PIGK: variants seen among roughly 807,000 people sequenced by gnomAD.
PIGK encodes the protein phosphatidylinositol glycan anchor biosynthesis class K, also known as GPI-anchor transamidase.
A neutral mutation model predicts 50.6 loss-of-function variants in PIGK; 42 were observed. That is an observed-to-expected ratio of 0.83 (90% confidence interval 0.65 to 1.07). The LOEUF (loss-of-function observed/expected upper bound fraction) is 1.07, where lower values mean the gene tolerates loss of function less well. Among genes scored for constraint, PIGK ranks in the 50% least tolerant of loss-of-function variants. The pLI is 0.00. For missense variants in PIGK, 448 were observed against 488.7 expected, an observed-to-expected ratio of 0.92 and a Z score of 0.78; for synonymous variants, 151 against 156.0, an observed-to-expected ratio of 0.97 and a Z score of 0.24.
intron 3 of PIGK, among the ~76,000 whole-genome samples, chr1:77,203,455 C>A (rs984541101): frequency 6.6e-6 from 1 of 152,094 alleles, no homozygotes; most frequent in Admixed American, 6.5e-5. Flanking sequence ...AAAACCTCAC[C>A]TGCATGGAAC....
intron 9 of PIGK, among the ~76,000 whole-genome samples, chr1:77,131,101 A>G (rs1172210788): frequency 6.6e-6 from 1 of 151,954 alleles, no homozygotes; most frequent in African/African-American, 2.4e-5. Context: ...ATCTATAATT[A>G]ATTTTATTTT....
Position 77,097,121 on chromosome 1 carries a change from T to C in PIGK, c.1072-4631A>G, listed in dbSNP as rs140360483. On this transcript the variant is annotated intron_variant, in intron 10 of 10. Transcript: ENST00000370812. The stretch of plus-strand genomic sequence containing the variant: ...TGAGTTCATGTCCTTTGTAGGGACA[T>C]GGATGAAATTGGAAAGCTTCGGGTT... Among the ~76,000 whole-genome samples the C allele has an allele frequency of 2.4e-3, 362 of 152,058 alleles. 2 individuals carry two copies. Among genetic ancestry groups the C allele is most frequent in the African/African-American group, 8.1e-3 (337 of 41,462 alleles).
intron 4 of PIGK, among the ~76,000 whole-genome samples, chr1:77,167,748 C>T (rs1040963073): frequency 2.6e-5 from 4 of 152,032 alleles, no homozygotes; most frequent in Non-Finnish European, 4.4e-5. Flanking sequence ...CCAGCTCTAG[C>T]AAAATAAAAA....
At chr1:77,119,054 A>G (rs1326301210) in intron 10 of PIGK, among the ~76,000 whole-genome samples, 1 of 150,854 alleles carries the variant, frequency 6.6e-6, no homozygotes, top group Non-Finnish European at 1.5e-5. Flanking sequence ...CTTTGTCCAT[A>G]TAATATTTAT....
intron 10 of PIGK, among the ~76,000 whole-genome samples, chr1:77,099,438 G>A (rs953791553): frequency 3.9e-5 from 6 of 152,182 alleles, no homozygotes; most frequent in East Asian, 1.9e-4. Context: ...GCAAAAATCT[G>A]TATTGAAAGA....
chr1:77,146,804 A>G (rs11162278), intron 9 of PIGK, among the ~76,000 whole-genome samples: 26,793 of 151,782 alleles, frequency 0.18, 2,565 homozygotes, highest in East Asian at 0.36. Context: ...CTAAAAAAAA[A>G]AAAGTAAAAG....
intron 10 of PIGK, among the ~76,000 whole-genome samples, chr1:77,101,599 A>C (rs1653542378): frequency 1.3e-5 from 2 of 152,226 alleles, no homozygotes; most frequent in Non-Finnish European, 2.9e-5. Context: ...ATCATCTATT[A>C]AATGCCAATT....
intron 3 of PIGK, chr1:77,195,040 C>G (rs886120163): frequency 2.4e-6 from 2 of 839,098 alleles, no homozygotes; most frequent in African/African-American, 3.4e-5. Flanking sequence ...TAACCTGAAT[C>G]TGCTCAGAGA....
At chr1:77,113,232 A>G (rs955459815) in intron 10 of PIGK, among the ~76,000 whole-genome samples, 3 of 152,126 alleles carry the variant, frequency 2.0e-5, no homozygotes, top group African/African-American at 7.2e-5. Context: ...CTTTTCTGAA[A>G]GCCTCTTTCT....
At chr1:77,196,224 C>A (rs957530323) in intron 3 of PIGK, among the ~76,000 whole-genome samples, 2 of 152,022 alleles carry the variant, frequency 1.3e-5, no homozygotes, top group African/African-American at 4.8e-5. Context: ...TTATCCAGTC[C>A]AATGTTGATG....
intron 3 of PIGK, among the ~76,000 whole-genome samples, chr1:77,180,555 G>A (rs1655587515): frequency 6.6e-6 from 1 of 152,132 alleles, no homozygotes; most frequent in African/African-American, 2.4e-5. Flanking sequence ...CACGTGCCCA[G>A]GACACAGCCT....
intron 10 of PIGK, among the ~76,000 whole-genome samples, chr1:77,108,031 G>C (rs1308854814): frequency 6.6e-6 from 1 of 152,130 alleles, no homozygotes; most frequent in African/African-American, 2.4e-5. Flanking sequence ...GATGGCTCTT[G>C]ACTCTTTATC....
chr1:77,144,638 A>G (rs1357941515), intron 9 of PIGK, among the ~76,000 whole-genome samples: 1 of 151,932 alleles, frequency 6.6e-6, no homozygotes, highest in Non-Finnish European at 1.5e-5. Flanking sequence ...CTTAGAAGTC[A>G]TAAAGCAACT....
chr1:77,097,984 G>T (rs754524522), intron 10 of PIGK, among the ~76,000 whole-genome samples: 4 of 151,942 alleles, frequency 2.6e-5, no homozygotes, highest in African/African-American at 9.7e-5. Flanking sequence ...TATATATAAC[G>T]CTAAACAATA....
intron 4 of PIGK, among the ~76,000 whole-genome samples, chr1:77,168,574 T>C (rs976039807): frequency 6.7e-6 from 1 of 148,412 alleles, no homozygotes; most frequent in Non-Finnish European, 1.5e-5. Context: ...AGCTATATGA[T>C]ACATGAGACA....
chr1:77,148,083 T>C lies in PIGK; in HGVS notation c.986+6366A>G, dbSNP rs539998081. Reference sequence around the variant, plus strand: ...TTCTAACTGTCAATTTTAATAACAGTGTGTTGATAATTTAACCTAAGATTT... The same window carrying C: ...TTCTAACTGTCAATTTTAATAACAGCGTGTTGATAATTTAACCTAAGATTT... On this transcript the variant is annotated intron_variant, in intron 9 of 10. Transcript: ENST00000370812. 1.6e-3 allele frequency among the ~76,000 whole-genome samples: 248 copies of C among 152,342 alleles called. 2 individuals carry two copies. The Middle Eastern group carries it at 0.017, about 10-fold the overall frequency.
At chr1:77,113,802 T>C (rs1653906154) in intron 10 of PIGK, among the ~76,000 whole-genome samples, 1 of 152,106 alleles carries the variant, frequency 6.6e-6, no homozygotes, top group Admixed American at 6.5e-5. Context: ...GCAAAAACTT[T>C]CTCTTTTCAA....
chr1:77,093,402 C>T (rs2100505239), intron 10 of PIGK, among the ~76,000 whole-genome samples: 1 of 152,174 alleles, frequency 6.6e-6, no homozygotes, highest in East Asian at 1.9e-4. Context: ...TTCTTTTCTA[C>T]TTACTGAATT....
At chr1:77,144,936 G>C (rs896747698) in intron 9 of PIGK, among the ~76,000 whole-genome samples, 2 of 151,924 alleles carry the variant, frequency 1.3e-5, no homozygotes, top group Non-Finnish European at 3.0e-5. Context: ...AAAATGCTGA[G>C]ATAATGTGGA....
Sources: allele counts gnomAD v4.1 joint callset (sites outside exome capture counted in the v4.1 genomes callset), GRCh38; gene constraint gnomAD v4.1.1; transcripts MANE v1.5; gene names NCBI Gene and HGNC (gene_info 2026-07-23, HGNC 2026-07-21).